Variants in CAMK1D observed in about 807,000 individuals in gnomAD.
CAMK1D encodes the protein calcium/calmodulin dependent protein kinase ID.
CAMK1D carries 9 observed loss-of-function variants against 47.7 expected under a neutral mutation model. That is an observed-to-expected ratio of 0.19 (90% CI 0.11 to 0.33). The LOEUF (loss-of-function observed/expected upper bound fraction) is 0.33. Among genes scored for constraint, CAMK1D ranks in the 10% least tolerant of loss-of-function variants. The pLI is 1.00. For synonymous variants in CAMK1D, 184 were observed against 184.9 expected, an observed-to-expected ratio of 0.99 and a Z score of 0.04; for missense variants, 291 against 488.7, an observed-to-expected ratio of 0.60 and a Z score of 3.81.
intron 1 of CAMK1D, among the ~76,000 whole-genome samples, chr10:12,427,582 C>A (rs1440489208): frequency 6.6e-6 from 1 of 151,990 alleles, no homozygotes; most frequent in East Asian, 1.9e-4. Flanking sequence ...CCCAGCCTGG[C>A]CTTCCACTGG....
At chr10:12,518,440 A>G (rs536936155) in intron 1 of CAMK1D, among the ~76,000 whole-genome samples, 2 of 151,920 alleles carry the variant, frequency 1.3e-5, no homozygotes, top group South Asian at 2.1e-4. Flanking sequence ...TTTAATGTCT[A>G]TAGGGTCTGT....
chr10:12,539,032 GC>G (rs1836078432), intron 1 of CAMK1D, among the ~76,000 whole-genome samples: 1 of 152,186 alleles, frequency 6.6e-6, no homozygotes, highest in Non-Finnish European at 1.5e-5. Context: ...CTCCCAAAGT[GC>G]TGGGATTACA....
rs71386105 is a variant in CAMK1D, at chr10:12,611,588, C to CTTTTTTTTTTTTTTTTTTT, written c.225-55145_225-55127dup. On this transcript the variant is annotated intron_variant, in intron 2 of 10. Coordinates refer to ENST00000619168, the MANE Select transcript of CAMK1D (RefSeq NM_153498.4). ...CAGTTCCCTGAATGTTTCAGAATGC[C>CTTTTTTTTTTTTTTTTTTT]TTTTTTTTTTTTTTTTTTTTTGAGA... Among the ~76,000 whole-genome samples, 227 of 59,942 alleles carry CTTTTTTTTTTTTTTTTTTT rather than the reference C, an allele frequency of 3.8e-3. 49 individuals carry two copies. The highest frequency in any genetic ancestry group is 6.1e-3 in the Non-Finnish European group (185 of 30,384). 39.3% of individuals were successfully genotyped at this position (59,942 alleles called of 152,430 possible).
chr10:12,387,353 TTTATATATATAATATATATATTATATA>T lies in CAMK1D; in HGVS notation c.92+37454_92+37480del, dbSNP rs1156414682. Among the ~76,000 whole-genome samples the T allele has an allele frequency of 1.0e-4, 11 of 104,796 alleles. No individual in the cohort carries two copies. In the East Asian group the frequency reaches 2.2e-3, roughly 21 times the overall value. 68.8% of individuals were successfully genotyped at this position (104,796 alleles called of 152,430 possible). A position where few individuals can be genotyped will look rare whatever the true frequency, so the allele number is the denominator to read the frequency against. On this transcript the variant is annotated intron_variant, in intron 1 of 10. Transcript: ENST00000619168. ...TGAGTTTGAGATATATATATTATAT[TTTATATATATAATATATATATTATATA>T]TTATATATATTATATATTTTTATAT...
intron 1 of CAMK1D, among the ~76,000 whole-genome samples, chr10:12,506,325 C>T (rs1389763580): frequency 6.6e-6 from 1 of 152,054 alleles, no homozygotes; most frequent in Non-Finnish European, 1.5e-5. Context: ...GAGGCTGAGG[C>T]TGGAGAATTG....
At chr10:12,727,463 T>C (rs763759482) in intron 3 of CAMK1D, among the ~76,000 whole-genome samples, 1 of 152,202 alleles carries the variant, frequency 6.6e-6, no homozygotes, top group Non-Finnish European at 1.5e-5. Flanking sequence ...GCACTGTGAT[T>C]GAGAATAGTG....
chr10:12,797,928 A>C (rs1838262545), intron 6 of CAMK1D, among the ~76,000 whole-genome samples: 1 of 152,212 alleles, frequency 6.6e-6, no homozygotes, highest in South Asian at 2.1e-4. Flanking sequence ...CAGGAGGTAC[A>C]CAACAGTGAG....
At chr10:12,406,966 C>A (rs1247349762) in intron 1 of CAMK1D, among the ~76,000 whole-genome samples, 1 of 152,146 alleles carries the variant, frequency 6.6e-6, no homozygotes, top group Non-Finnish European at 1.5e-5. Context: ...ATACCGCAGA[C>A]TTGCTTTCTT....
At chr10:12,395,086 T>G (rs1347519789) in intron 1 of CAMK1D, among the ~76,000 whole-genome samples, 2 of 82,910 alleles carry the variant, frequency 2.4e-5, no homozygotes, top group African/African-American at 9.5e-5. Context: ...TTTTTTTTTT[T>G]GCAGAGACAG....
intron 1 of CAMK1D, among the ~76,000 whole-genome samples, chr10:12,512,866 A>G (rs796329713): frequency 6.6e-6 from 1 of 152,232 alleles, no homozygotes; most frequent in Admixed American, 6.5e-5. Context: ...CAAGCCGACC[A>G]CATGGGGCTA....
At chr10:12,627,722 A>G (rs1839262493) in intron 2 of CAMK1D, among the ~76,000 whole-genome samples, 1 of 152,002 alleles carries the variant, frequency 6.6e-6, no homozygotes, top group Non-Finnish European at 1.5e-5. Flanking sequence ...TTTTCACTGC[A>G]TGTATGAAAT....
In CAMK1D at chr10:12,745,823, C is replaced by T. The variant is rs560437544; in HGVS notation, c.300-15125C>T. ...TTCACCATGTTGGCCAGGCTGGTCT[C>T]GAACCGCTGACCTCAGCTGATCCAT... On this transcript the variant is annotated intron_variant, in intron 3 of 10. Coordinates refer to ENST00000619168, the MANE Select transcript of CAMK1D (RefSeq NM_153498.4). Among the ~76,000 whole-genome samples, 529 of 152,164 alleles carry T rather than the reference C, an allele frequency of 3.5e-3. 5 individuals carry two copies. Among genetic ancestry groups the T allele is most frequent in the Middle Eastern group, 0.01 (3 of 294 alleles).
intron 1 of CAMK1D, among the ~76,000 whole-genome samples, chr10:12,534,418 G>GT (rs1835904972): frequency 1.3e-5 from 2 of 152,210 alleles, no homozygotes. Context: ...CCAGGCTGGA[G>GT]TGCAGTGGCA....
chr10:12,701,672 T>G (rs552728194), intron 3 of CAMK1D, among the ~76,000 whole-genome samples: 11 of 152,362 alleles, frequency 7.2e-5, no homozygotes, highest in African/African-American at 2.6e-4. Flanking sequence ...TTCCCAGTAT[T>G]CTTTTTAGGA....
chr10:12,694,083 G>GCATAATA (rs1833074344), intron 3 of CAMK1D, among the ~76,000 whole-genome samples: 1 of 19,500 alleles, frequency 5.1e-5, no homozygotes, highest in Non-Finnish European at 8.7e-5. Context: ...AAAATATTAT[G>GCATAATA]TATAATATAT....
intron 2 of CAMK1D, among the ~76,000 whole-genome samples, chr10:12,623,905 C>G (rs986971375): frequency 6.6e-6 from 1 of 151,980 alleles, no homozygotes; most frequent in African/African-American, 2.4e-5. Context: ...ATGGTGAAAC[C>G]CCGTCTCTAC....
intron 3 of CAMK1D, among the ~76,000 whole-genome samples, chr10:12,736,119 A>G (rs1835174528): frequency 6.6e-6 from 1 of 152,244 alleles, no homozygotes; most frequent in East Asian, 1.9e-4. Flanking sequence ...TGATGGCGCC[A>G]AACGGCAGGA....
chr10:12,531,500 C>T (rs184940183), intron 1 of CAMK1D, among the ~76,000 whole-genome samples: 144 of 152,240 alleles, frequency 9.5e-4, no homozygotes, highest in African/African-American at 3.4e-3. Context: ...TTATTTGGAA[C>T]CAAGTTACTG....
chr10:12,377,573 C>T (rs965672475), intron 1 of CAMK1D, among the ~76,000 whole-genome samples: 5 of 152,154 alleles, frequency 3.3e-5, no homozygotes, highest in Non-Finnish European at 7.3e-5. Context: ...GTATTACAAA[C>T]GTTATTCAGG....
Sources: allele counts gnomAD v4.1 joint callset (sites outside exome capture counted in the v4.1 genomes callset), GRCh38; gene constraint gnomAD v4.1.1; transcripts MANE v1.5; gene names NCBI Gene and HGNC (gene_info 2026-07-23, HGNC 2026-07-21).